Variants in IGFBP7 observed in about 807,000 individuals in gnomAD.
The protein encoded by IGFBP7 is insulin like growth factor binding protein 7.
A neutral mutation model predicts 29.4 loss-of-function variants in IGFBP7; 31 were observed. The ratio of observed to expected loss-of-function variants is 1.05; its 90% CI spans 0.79 to 1.42. The LOEUF (loss-of-function observed/expected upper bound fraction) is 1.42. Ranked by LOEUF, IGFBP7 falls within the 40% of genes most tolerant of loss-of-function variation. The pLI is 0.00. For synonymous variants in IGFBP7, 172 were observed against 174.9 expected, an observed-to-expected ratio of 0.98 and a Z score of 0.13; for missense variants, 393 against 395.5, an observed-to-expected ratio of 0.99 and a Z score of 0.05.
intron 1 of IGFBP7, chr4:57,072,861 C>G (rs73242636): frequency 0.051 from 32,269 of 637,300 alleles, 1,084 homozygotes; most frequent in Non-Finnish European, 0.072. Flanking sequence ...AGGGGCTACC[C>G]TTACAATGTA....
chr4:57,066,210 G>A (rs771540277), intron 1 of IGFBP7, among the ~76,000 whole-genome samples: 2 of 152,208 alleles, frequency 1.3e-5, no homozygotes, highest in Non-Finnish European at 2.9e-5. Context: ...GAGGGACAGT[G>A]CATGCCTGCA....
intron 2 of IGFBP7, among the ~76,000 whole-genome samples, chr4:57,034,007 G>A (rs185497465): frequency 2.4e-3 from 303 of 126,492 alleles, no homozygotes; most frequent in Admixed American, 6.7e-3. Flanking sequence ...CTGAGATCGC[G>A]CCACTGCACT....
chr4:57,064,488 T>C (rs946218879), intron 1 of IGFBP7, among the ~76,000 whole-genome samples: 2 of 152,258 alleles, frequency 1.3e-5, no homozygotes, highest in African/African-American at 4.8e-5. Context: ...AACATTTGTA[T>C]GGTTTTAAGA....
chr4:57,066,243 G>T (rs1724919143), intron 1 of IGFBP7, among the ~76,000 whole-genome samples: 1 of 152,170 alleles, frequency 6.6e-6, no homozygotes, highest in African/African-American at 2.4e-5. Flanking sequence ...CTTTTTGTGG[G>T]ATCACTTGCT....
chr4:57,062,103 G>A (rs1724814082), intron 1 of IGFBP7, among the ~76,000 whole-genome samples: 1 of 152,184 alleles, frequency 6.6e-6, no homozygotes, highest in African/African-American at 2.4e-5. Context: ...CTGGAAATGG[G>A]GTGGGCAGGA....
At chr4:57,080,367 C>T (rs992554728) in intron 1 of IGFBP7, among the ~76,000 whole-genome samples, 4 of 152,120 alleles carry the variant, frequency 2.6e-5, no homozygotes, top group Admixed American at 6.5e-5. Context: ...TCACATTGCC[C>T]GAGTGCTCCA....
At chr4:57,055,756 A>C (rs1418110145) in intron 1 of IGFBP7, among the ~76,000 whole-genome samples, 1 of 151,806 alleles carries the variant, frequency 6.6e-6, no homozygotes, top group African/African-American at 2.4e-5. Flanking sequence ...CTGTATGGAG[A>C]TGGGGCTCTG....
chr4:57,094,315 G>C (rs1725709926), intron 1 of IGFBP7, among the ~76,000 whole-genome samples: 1 of 152,208 alleles, frequency 6.6e-6, no homozygotes. Flanking sequence ...GCCAGGGACA[G>C]AGCCTACTTG....
intron 1 of IGFBP7, among the ~76,000 whole-genome samples, chr4:57,046,489 C>T (rs1724365253): frequency 1.3e-5 from 2 of 152,122 alleles, no homozygotes; most frequent in Admixed American, 1.3e-4. Context: ...CTAATTTTCT[C>T]ATACAGAAAG....
intron 1 of IGFBP7, among the ~76,000 whole-genome samples, chr4:57,086,038 T>C (rs1335850110): frequency 6.6e-6 from 1 of 152,202 alleles, no homozygotes; most frequent in Non-Finnish European, 1.5e-5. Flanking sequence ...CTGGGTAATT[T>C]ATAAAGTAAA....
At chr4:57,060,432 G>A (rs1724772996) in intron 1 of IGFBP7, among the ~76,000 whole-genome samples, 1 of 152,148 alleles carries the variant, frequency 6.6e-6, no homozygotes, top group Non-Finnish European at 1.5e-5. Flanking sequence ...TCTGTGGGTA[G>A]GAAAGTTTCT....
At chr4:57,048,919 T>C (rs1341481098) in intron 1 of IGFBP7, among the ~76,000 whole-genome samples, 1 of 152,204 alleles carries the variant, frequency 6.6e-6, no homozygotes, top group African/African-American at 2.4e-5. Context: ...AACTAGGAAG[T>C]GTCTAAGAAT....
intron 1 of IGFBP7, among the ~76,000 whole-genome samples, chr4:57,056,973 A>G (rs1376990703): frequency 6.6e-6 from 1 of 152,174 alleles, no homozygotes; most frequent in Non-Finnish European, 1.5e-5. Flanking sequence ...GCAGGGAGAC[A>G]CAGAAAGGAG....
intron 1 of IGFBP7, among the ~76,000 whole-genome samples, chr4:57,046,236 A>G (rs186186618): frequency 1.3e-5 from 2 of 152,216 alleles, no homozygotes; most frequent in African/African-American, 2.4e-5. Flanking sequence ...ACTCTCAAGA[A>G]CTATCATCCC....
At chr4:57,063,145 G>A (rs182250237) in intron 1 of IGFBP7, among the ~76,000 whole-genome samples, 68 of 149,968 alleles carry the variant, frequency 4.5e-4, no homozygotes, top group Non-Finnish European at 8.1e-4. Context: ...CCACCCCTCC[G>A]TAGCTTTGCT....
rs568339329 is a variant in IGFBP7 at position 57,092,770 on chromosome 4, G to A, written c.475+17107C>T. On this transcript the variant is annotated intron_variant, in intron 1 of 4. Transcript: ENST00000295666. ...AAGAAAGATCTTTGTGTCTAAAGAT[G>A]TGAATTAAAAGGTTATTTATGACAG... 3.3e-5 allele frequency among the ~76,000 whole-genome samples: 5 copies of A among 150,938 alleles called. No individual in the cohort carries two copies. The South Asian group carries it at 8.3e-4, about 25-fold the overall frequency.
At chr4:57,093,504 A>G (rs1340733667) in intron 1 of IGFBP7, among the ~76,000 whole-genome samples, 1 of 152,092 alleles carries the variant, frequency 6.6e-6, no homozygotes, top group Non-Finnish European at 1.5e-5. Context: ...TGTCTCAAAA[A>G]AAAAAAAAAA....
chr4:57,036,470 C>T (rs567255479), intron 2 of IGFBP7, among the ~76,000 whole-genome samples: 26 of 152,260 alleles, frequency 1.7e-4, no homozygotes, highest in African/African-American at 5.5e-4. Context: ...AAACAGAGAG[C>T]CTCTCCGTCT....
chr4:57,037,256 G>A (rs946230023), intron 2 of IGFBP7, among the ~76,000 whole-genome samples: 7 of 152,182 alleles, frequency 4.6e-5, no homozygotes, highest in African/African-American at 9.7e-5. Flanking sequence ...GAGGAAAACC[G>A]GCAGAGCATC....
Sources: allele counts gnomAD v4.1 joint callset (sites outside exome capture counted in the v4.1 genomes callset), GRCh38; gene constraint gnomAD v4.1.1; transcripts MANE v1.5; gene names NCBI Gene and HGNC (gene_info 2026-07-23, HGNC 2026-07-21).